PCMT1: variants seen among roughly 807,000 people sequenced by gnomAD.
The protein encoded by PCMT1 is protein-L-isoaspartate(D-aspartate) O-methyltransferase.
A neutral mutation model predicts 29.2 loss-of-function variants in PCMT1; 9 were observed. That is an observed-to-expected ratio of 0.31 (90% CI 0.19 to 0.54). The LOEUF (loss-of-function observed/expected upper bound fraction) is 0.54. Among genes scored for constraint, PCMT1 ranks in the 20% least tolerant of loss-of-function variants. The pLI is 0.95. For missense variants in PCMT1, 184 were observed against 282.2 expected, an observed-to-expected ratio of 0.65 and a Z score of 2.49; for synonymous variants, 98 against 97.5, an observed-to-expected ratio of 1.00 and a Z score of -0.03.
chr6:149,786,571 A>G lies in PCMT1; in HGVS notation c.193-3383A>G, dbSNP rs56673050. 4.1e-3 allele frequency among the ~76,000 whole-genome samples: 185 copies of G among 44,592 alleles called. 16 individuals are homozygous for G. The East Asian group carries it at 0.12, about 28-fold the overall frequency. The allele number at this position is 44,592 out of a possible 152,430, so 29.3% of individuals were successfully genotyped here. A position where few individuals can be genotyped will look rare whatever the true frequency, so the allele number is the denominator to read the frequency against. The stretch of plus-strand genomic sequence containing the variant: ...TCACTTCTCAGACGGGGCGGTTGCC[A>G]GGCAGAGGGTCTCCTCACTTCTCAG... On this transcript the variant is annotated intron_variant, in intron 3 of 7. Transcript: ENST00000464889.
chr6:149,793,959 C>T, intron 5 of PCMT1, among the ~76,000 whole-genome samples: 1 of 152,090 alleles, frequency 6.6e-6, no homozygotes, highest in Non-Finnish European at 1.5e-5. Flanking sequence ...TATTGGATTG[C>T]TTGTATTTTT....
intron 3 of PCMT1, among the ~76,000 whole-genome samples, chr6:149,788,653 T>A (rs2115305730): frequency 6.6e-6 from 1 of 152,364 alleles, no homozygotes; most frequent in Admixed American, 6.5e-5. Context: ...TTAACTTTGA[T>A]CATCTGATTA....
chr6:149,763,034 GATATCTATGATATGT>G (rs1344454296), intron 1 of PCMT1, among the ~76,000 whole-genome samples: 1 of 48,434 alleles, frequency 2.1e-5, no homozygotes, highest in Non-Finnish European at 2.9e-5. Flanking sequence ...ATATATCTAT[GATATCTATGATATGT>G]ATATCTATGA....
At chr6:149,801,943 AT>A (rs1386435477) in intron 6 of PCMT1, among the ~76,000 whole-genome samples, 4 of 152,028 alleles carry the variant, frequency 2.6e-5, no homozygotes, top group African/African-American at 9.7e-5. Flanking sequence ...AGTGTGGCCA[AT>A]ATGGTGAAAC....
intron 2 of PCMT1, among the ~76,000 whole-genome samples, chr6:149,771,709 G>A (rs1345967633): frequency 1.3e-5 from 2 of 152,028 alleles, no homozygotes; most frequent in African/African-American, 4.8e-5. Flanking sequence ...TAGAGACGGG[G>A]TTTCAGCGTG....
intron 1 of PCMT1, among the ~76,000 whole-genome samples, chr6:149,755,425 T>C (rs896921606): frequency 6.7e-6 from 1 of 149,508 alleles, no homozygotes; most frequent in Non-Finnish European, 1.5e-5. Context: ...ATACTTTGTC[T>C]CAAAAAAAAA....
intron 1 of PCMT1, among the ~76,000 whole-genome samples, chr6:149,762,965 TG>T (rs1201862552): frequency 1.6e-5 from 1 of 61,696 alleles, no homozygotes; most frequent in Non-Finnish European, 2.3e-5. Context: ...TGTATATCTA[TG>T]ATATATATGA....
chr6:149,807,803 A>G (rs549064765), intron 7 of PCMT1, among the ~76,000 whole-genome samples: 10 of 152,368 alleles, frequency 6.6e-5, no homozygotes, highest in Admixed American at 3.3e-4. Flanking sequence ...CCTTGCATCT[A>G]TGAAAAAGAT....
chr6:149,786,778 C>A (rs60171724), intron 3 of PCMT1, among the ~76,000 whole-genome samples: 66,831 of 139,170 alleles, frequency 0.48, 17,202 homozygotes, highest in African/African-American at 0.74. Context: ...AGAGACGCTC[C>A]TCACTTCCTA....
chr6:149,805,542 T>C (rs548852847), intron 7 of PCMT1, among the ~76,000 whole-genome samples: 20 of 149,732 alleles, frequency 1.3e-4, no homozygotes, highest in Admixed American at 2.7e-4. Context: ...TGCAGTGAGC[T>C]GAGATCGCGC....
chr6:149,750,223 C>T (rs1297196243), intron 1 of PCMT1: 2 of 546,364 alleles, frequency 3.7e-6, no homozygotes, highest in East Asian at 6.1e-5. Flanking sequence ...CCTGCAGGCC[C>T]TGGGGGAGGG....
At chr6:149,798,988 A>G (rs1047344307) in intron 6 of PCMT1, 1 of 152,192 alleles carries the variant, frequency 6.6e-6, no homozygotes, top group Admixed American at 6.5e-5. Flanking sequence ...CATATCATTT[A>G]TATTCAGAAT....
chr6:149,771,408 C>G, intron 2 of PCMT1, 142 bp downstream of exon 2: 1 of 501,246 alleles, frequency 2.0e-6, no homozygotes. Flanking sequence ...TTTCATAATC[C>G]CAAACATACC....
At chr6:149,751,476 C>CTTTTT (rs76128652) in intron 1 of PCMT1, among the ~76,000 whole-genome samples, 8 of 116,552 alleles carry the variant, frequency 6.9e-5, no homozygotes, top group South Asian at 2.9e-4. Context: ...ATGGTTGGTA[C>CTTTTT]TTTTTTTTTT....
chr6:149,786,047 C>A (rs1300708601), intron 3 of PCMT1, among the ~76,000 whole-genome samples: 2 of 143,472 alleles, frequency 1.4e-5, no homozygotes, highest in Non-Finnish European at 3.1e-5. Context: ...CTGACCCCCC[C>A]ACCTCCCTCC....
At chr6:149,770,652 G>A (rs1313146951) in intron 1 of PCMT1, among the ~76,000 whole-genome samples, 8 of 147,026 alleles carry the variant, frequency 5.4e-5, no homozygotes, top group Non-Finnish European at 8.9e-5. Context: ...GTTGCAGTGA[G>A]CCGAGATCGC....
At chr6:149,810,417 CTGGAGTGGCA>C (rs1317419511) in intron 7 of PCMT1, among the ~76,000 whole-genome samples, 189 bp from the exon 8 acceptor site, 2 of 152,160 alleles carry the variant, frequency 1.3e-5, no homozygotes, top group African/African-American at 4.8e-5. Flanking sequence ...ATACTTGGTT[CTGGAGTGGCA>C]TGGAAGATGT....
chr6:149,762,220 T>C (rs180946212), intron 1 of PCMT1, among the ~76,000 whole-genome samples: 1 of 152,104 alleles, frequency 6.6e-6, no homozygotes, highest in Admixed American at 6.6e-5. Context: ...ATTTGGCTGA[T>C]AGCTTGGATT....
intron 7 of PCMT1, among the ~76,000 whole-genome samples, chr6:149,809,149 C>T (rs1412219117): frequency 6.9e-6 from 1 of 144,408 alleles, no homozygotes; most frequent in Non-Finnish European, 1.5e-5. Context: ...ATCCCAGCGA[C>T]TCGGGAGGCT....
Sources: allele counts gnomAD v4.1 joint callset (sites outside exome capture counted in the v4.1 genomes callset), GRCh38; gene constraint gnomAD v4.1.1; transcripts MANE v1.5; gene names NCBI Gene and HGNC (gene_info 2026-07-23, HGNC 2026-07-21).